SLC6A20: variants seen among roughly 807,000 people sequenced by gnomAD.
SLC6A20 encodes sodium- and chloride-dependent transporter XTRP3.
SLC6A20 carries 73 observed loss-of-function variants against 64.3 expected under a neutral mutation model. The observed-to-expected ratio is 1.14, with a 90% CI of 0.94 to 1.38. SLC6A20 has a LOEUF of 1.38. Ranked by LOEUF, SLC6A20 falls within the 40% of genes most tolerant of loss-of-function variation. The pLI is 0.00. For missense variants in SLC6A20, 725 were observed against 772.8 expected, an observed-to-expected ratio of 0.94 and a Z score of 0.73; for synonymous variants, 347 against 329.6, an observed-to-expected ratio of 1.05 and a Z score of -0.57.
chr3:45,790,467 G>A (rs2271614), intron 1 of SLC6A20: 3,193 of 152,124 alleles, frequency 0.021, 131 homozygotes, highest in East Asian at 0.16. Flanking sequence ...TCATTCACTC[G>A]CCTCCATCTT....
chr3:45,789,658 A>C (rs1700217833), intron 1 of SLC6A20, among the ~76,000 whole-genome samples: 1 of 135,790 alleles, frequency 7.4e-6, no homozygotes, highest in Non-Finnish European at 1.6e-5. Flanking sequence ...AATTTTTTAC[A>C]GCAAAAATGT....
chr3:45,772,766 C>T (rs961350214), intron 4 of SLC6A20, 151 bp from the exon 5 acceptor site: 3 of 678,764 alleles, frequency 4.4e-6, no homozygotes, highest in Non-Finnish European at 7.6e-6. Context: ...TGGTCACACA[C>T]AGGCTCTGGG....
At chr3:45,760,248 C>T (rs964102535) in intron 9 of SLC6A20, among the ~76,000 whole-genome samples, 6 of 152,172 alleles carry the variant, frequency 3.9e-5, no homozygotes, top group Non-Finnish European at 7.3e-5. Context: ...GCAAGCAACC[C>T]GCAGAGAGTG....
chr3:45,773,420 T>C (rs193299324), intron 4 of SLC6A20, among the ~76,000 whole-genome samples: 3 of 152,344 alleles, frequency 2.0e-5, no homozygotes, highest in Admixed American at 1.3e-4. Flanking sequence ...TGTTAATATC[T>C]TTGGTGTTCA....
At chr3:45,780,455 C>T (rs1042156963) in intron 2 of SLC6A20, among the ~76,000 whole-genome samples, 1 of 152,222 alleles carries the variant, frequency 6.6e-6, no homozygotes, top group Non-Finnish European at 1.5e-5. Context: ...GGAGCCTGCC[C>T]AAGACTACCC....
intron 7 of SLC6A20, among the ~76,000 whole-genome samples, chr3:45,767,917 A>G (rs1699801506): frequency 6.6e-6 from 1 of 152,242 alleles, no homozygotes; most frequent in East Asian, 1.9e-4. Flanking sequence ...TTCTACTCCG[A>G]GGAACAATGT....
chr3:45,776,322 A>G (rs933594628), intron 3 of SLC6A20, among the ~76,000 whole-genome samples: 2 of 152,168 alleles, frequency 1.3e-5, no homozygotes, highest in African/African-American at 4.8e-5. Context: ...ACTCCGACCC[A>G]CGGCCTGTGC....
At chr3:45,759,754 T>C (rs1699630552) in intron 10 of SLC6A20, 103 bp downstream of exon 10, 7 of 1,377,368 alleles carry the variant, frequency 5.1e-6, no homozygotes, top group Middle Eastern at 4.5e-4. Context: ...ACAAATAACC[T>C]ACCCACACCA....
At chr3:45,784,972 G>A (rs572302573) in intron 1 of SLC6A20, among the ~76,000 whole-genome samples, 19 of 152,304 alleles carry the variant, frequency 1.2e-4, no homozygotes, top group African/African-American at 4.3e-4. Flanking sequence ...CTGGGATAAT[G>A]ATACCAATCC....
At chr3:45,795,293 C>T (rs1700326709) in intron 1 of SLC6A20, among the ~76,000 whole-genome samples, 1 of 151,774 alleles carries the variant, frequency 6.6e-6, no homozygotes, top group South Asian at 2.1e-4. Context: ...AATCTGATTT[C>T]TCCTCCCTCC....
In SLC6A20 at chr3:45,770,876, C is replaced by A. The variant is rs113227444; in HGVS notation, c.935+341G>T. On this transcript the variant is annotated intron_variant, in intron 6 of 10. Transcript: ENST00000358525. ...CTGGATGATGTCTTTGTATTTTGGG[C>A]AAGGGGCCACAGAAAGTGAATCCTG... 3.1e-3 allele frequency among the ~76,000 whole-genome samples: 478 copies of A among 152,306 alleles called. 3 individuals carry two copies. The highest frequency in any genetic ancestry group is 4.8e-3 in the Non-Finnish European group (327 of 68,020).
At chr3:45,773,391 C>T (rs1404374512) in intron 4 of SLC6A20, among the ~76,000 whole-genome samples, 1 of 152,152 alleles carries the variant, frequency 6.6e-6, no homozygotes. Context: ...CGACATGCAT[C>T]GTAAGTTCAA....
chr3:45,775,834 G>A lies in SLC6A20; in HGVS notation c.509C>T (p.Pro170Leu), dbSNP rs1365943311. Reference protein sequence around the residue: ...LQENGGVQWEPALCLLLAWLV... With the variant: ...LQENGGVQWELALCLLLAWLV... ...CCAGGCCAGGAGGAGGCACAGCGCC[G>A]GCTCCCACTGCACACCCCCGTTCTC... Residue 170 changes from proline to leucine, a missense_variant, in exon 4 of 11, where the codon CCG (proline) becomes CTG (leucine). Physicochemically the swap from Pro to Leu is moderately conservative, Grantham distance 98. Transcript: ENST00000358525. The A allele has an allele frequency of 5.0e-6, 8 of 1,613,970 alleles. No individual in the cohort carries two copies. Among genetic ancestry groups the A allele is most frequent in the South Asian group, 2.2e-5 (2 of 91,076 alleles).
At position 45,757,173 on chromosome 3, in the gene SLC6A20, C is replaced by T. The variant is rs1699560473; in HGVS notation, c.*1805G>A. The T allele has an allele frequency of 9.6e-6, 1 of 103,706 alleles. No homozygotes were observed. The highest frequency in any genetic ancestry group is 4.0e-5 in the African/African-American group (1 of 24,970). The allele number at this position is 103,706 out of a possible 1,614,324, so 6.4% of individuals were successfully genotyped here. A position where few individuals can be genotyped will look rare whatever the true frequency, so the allele number is the denominator to read the frequency against. ...GGTTTTCTCCTATCTCAGAATAGAACGAATGGGAATGGTCAGCTTTTTACA... is the reference window on the plus strand; with the variant it reads ...GGTTTTCTCCTATCTCAGAATAGAATGAATGGGAATGGTCAGCTTTTTACA... On this transcript the variant is annotated 3_prime_UTR_variant, in exon 11 of 11. Transcript: ENST00000358525.
chr3:45,758,770 A>G lies in SLC6A20; in HGVS notation c.*208T>C. 2.3e-6 allele frequency: 3 copies of G among 1,330,284 alleles called. No individual in the cohort carries two copies. The highest frequency in any genetic ancestry group is 1.9e-6 in the Non-Finnish European group (2 of 1,041,198). 82.4% of individuals were successfully genotyped at this position (1,330,284 alleles called of 1,614,324 possible). On this transcript the variant is annotated 3_prime_UTR_variant, in exon 11 of 11. Transcript: ENST00000358525. ...TAGCCCACCCCCTTCCATGATGAGG[A>G]GGCAGGTGACAGGGAGGAACAGCCA... is the stretch of plus-strand genomic sequence containing the variant.
At chr3:45,786,076 C>T (rs759897300) in intron 1 of SLC6A20, among the ~76,000 whole-genome samples, 3 of 152,154 alleles carry the variant, frequency 2.0e-5, no homozygotes, top group Non-Finnish European at 4.4e-5. Context: ...AGCTCAGGCA[C>T]CCACAGAACT....
At chr3:45,769,482 A>T (rs186692001) in intron 7 of SLC6A20, among the ~76,000 whole-genome samples, 4 of 151,856 alleles carry the variant, frequency 2.6e-5, no homozygotes, top group African/African-American at 9.6e-5. Flanking sequence ...TTAAAAAAAA[A>T]ACCCTCCAAA....
intron 4 of SLC6A20, among the ~76,000 whole-genome samples, chr3:45,774,925 A>G (rs1699938895): frequency 6.6e-6 from 1 of 152,182 alleles, no homozygotes; most frequent in Non-Finnish European, 1.5e-5. Flanking sequence ...GAAATCTACC[A>G]TGAAAGGCTG....
rs369975553 is a variant in SLC6A20, at chr3:45,793,328, AAAAT to A, written c.121+2967_121+2970del. 4.8e-3 allele frequency among the ~76,000 whole-genome samples: 734 copies of A among 152,288 alleles called. 49 individuals carry two copies. In the South Asian group the frequency reaches 0.14, roughly 29 times the overall value. On this transcript the variant is annotated intron_variant, in intron 1 of 10. Transcript: ENST00000358525. ...GTTTCTTCCGTGCACAGGTTTATGT[AAAAT>A]AGTTAGTGCAGTATTTGCTTTTTAC...
Sources: gnomAD v4.1 joint callset for allele counts (sites outside exome capture counted in the v4.1 genomes callset) on GRCh38, gnomAD v4.1.1 for gene constraint, MANE v1.5 for transcripts, NCBI Gene and HGNC (gene_info 2026-07-23, HGNC 2026-07-21) for gene names.